SMARCA2: variants seen among roughly 807,000 people sequenced by gnomAD.
SMARCA2 encodes SWI/SNF-related matrix-associated actin-dependent regulator of chromatin subfamily A member 2.
Under a neutral mutation model 199.8 loss-of-function variants are expected in SMARCA2, and 61 were observed. The observed-to-expected ratio is 0.31, with a 90% CI of 0.25 to 0.38. The LOEUF is 0.38. Among genes scored for constraint, SMARCA2 ranks in the 10% least tolerant of loss-of-function variants. The pLI, the probability that SMARCA2 is intolerant of heterozygous loss-of-function variation, is 1.00. For synonymous variants in SMARCA2, 935 were observed against 732.0 expected, an observed-to-expected ratio of 1.28 and a Z score of -4.48; for missense variants, 1,344 against 2,012.2, an observed-to-expected ratio of 0.67 and a Z score of 6.35.
At chr9:2,102,352 G>A (rs183990071) in intron 22 of SMARCA2, among the ~76,000 whole-genome samples, 1 of 152,124 alleles carries the variant, frequency 6.6e-6, no homozygotes, top group Non-Finnish European at 1.5e-5. Flanking sequence ...GCTCCCATCA[G>A]CTTGGCCAGG....
At chr9:2,128,504 T>G (rs1823796271) in intron 27 of SMARCA2, among the ~76,000 whole-genome samples, 1 of 152,210 alleles carries the variant, frequency 6.6e-6, no homozygotes, top group Non-Finnish European at 1.5e-5. Flanking sequence ...AGATGCAGGG[T>G]GCAGTGAAAC....
intron 13 of SMARCA2, among the ~76,000 whole-genome samples, chr9:2,076,916 TAAAAG>T (rs1821351209): frequency 6.6e-6 from 1 of 152,120 alleles, no homozygotes; most frequent in Non-Finnish European, 1.5e-5. Context: ...GCTGTACTAT[TAAAAG>T]AAAACTGTTG....
At chr9:2,055,129 A>G (rs1202338040) in intron 6 of SMARCA2, among the ~76,000 whole-genome samples, 1 of 152,372 alleles carries the variant, frequency 6.6e-6, no homozygotes, top group East Asian at 1.9e-4. Context: ...CTGTGAAAAT[A>G]ATTTTAACAA....
chr9:2,142,811 C>A (rs890844980), intron 27 of SMARCA2, among the ~76,000 whole-genome samples: 1 of 152,108 alleles, frequency 6.6e-6, no homozygotes, highest in Non-Finnish European at 1.5e-5. Context: ...AGTAATCATC[C>A]AAGCCAGTTG....
rs1048715705 is a variant in SMARCA2 at position 2,056,500 on chromosome 9, A to G, written c.1174-172A>G. ...CTTGTACCGTTCTTGAAAATATTGC[A>G]TACATTTGGCATGATTTTAGTTCCT... On this transcript the variant is annotated intron_variant, in intron 6 of 33. Coordinates refer to ENST00000349721, the MANE Select transcript of SMARCA2 (RefSeq NM_003070.5). This position sits in a 1 kb window ranked among gnomAD's most constrained non-coding sequence, Gnocchi z 4.0. 2.0e-5 allele frequency among the ~76,000 whole-genome samples: 3 copies of G among 152,210 alleles called. No individual in the cohort carries two copies. The highest frequency in any genetic ancestry group is 2.9e-5 in the Non-Finnish European group (2 of 68,038).
At chr9:2,072,821 A>G (rs1821149652) in intron 10 of SMARCA2, among the ~76,000 whole-genome samples, 2 of 152,240 alleles carry the variant, frequency 1.3e-5, no homozygotes, top group Admixed American at 1.3e-4. Flanking sequence ...TGGTCTAGTG[A>G]GGACAGGCTG....
chr9:2,171,353 G>T (rs1826237944), intron 29 of SMARCA2, among the ~76,000 whole-genome samples: 1 of 152,130 alleles, frequency 6.6e-6, no homozygotes, highest in Admixed American at 6.5e-5. Context: ...TCCAATCTAG[G>T]ACTGGAGAGA....
At chr9:2,182,061 CA>C in intron 30 of SMARCA2, 79 bp from the exon 31 acceptor site, 1 of 922,886 alleles carries the variant, frequency 1.1e-6, no homozygotes, top group Non-Finnish European at 1.8e-6. Context: ...AAGGGAAAAT[CA>C]GGCTTTGTTA....
chr9:2,056,762 A>G lies in SMARCA2; in HGVS notation c.1264A>G (p.Thr422Ala), dbSNP rs765886779. The change falls in exon 7 of 34, where the codon ACT becomes GCT. Residue 422 changes from threonine (T) to alanine (A), a missense_variant. Transcript: ENST00000349721. This position sits in a 1 kb window ranked among gnomAD's most constrained non-coding sequence, Gnocchi z 4.0. Reference sequence around the variant, plus strand: ...AGCATACAAACGGAGCAAGCGCCAGACTCTGAGAGAAGCTCGCATGACCGA... The same window carrying G: ...AGCATACAAACGGAGCAAGCGCCAGGCTCTGAGAGAAGCTCGCATGACCGA... ...SKAYKRSKRQ[T>A]LREARMTEKL... 1.2e-6 allele frequency: 2 copies of G among 1,614,074 alleles called. No individual in the cohort carries two copies. Among genetic ancestry groups the G allele is most frequent in the African/African-American group, 1.3e-5 (1 of 74,934 alleles).
At chr9:2,126,766 C>G (rs1322605761) in intron 27 of SMARCA2, among the ~76,000 whole-genome samples, 2 of 152,254 alleles carry the variant, frequency 1.3e-5, no homozygotes, top group East Asian at 1.9e-4. Context: ...CTTCCCATCC[C>G]TTGCTTAAAT....
At chr9:2,030,705 T>C (rs756698417) in intron 2 of SMARCA2, among the ~76,000 whole-genome samples, 3 of 152,062 alleles carry the variant, frequency 2.0e-5, no homozygotes, top group Non-Finnish European at 2.9e-5. Flanking sequence ...TAATCAAATA[T>C]CTAGGCACCT....
intron 29 of SMARCA2, among the ~76,000 whole-genome samples, chr9:2,172,291 T>G (rs1036102836): frequency 3.3e-5 from 5 of 151,894 alleles, no homozygotes; most frequent in African/African-American, 7.3e-5. Flanking sequence ...GAAAGAGCTA[T>G]GTCAACAAAT....
chr9:2,182,778 A>G (rs1427316927), intron 31 of SMARCA2, among the ~76,000 whole-genome samples: 2 of 135,700 alleles, frequency 1.5e-5, no homozygotes, highest in Non-Finnish European at 3.1e-5. Flanking sequence ...TACAGGCATG[A>G]GCCACCACAC....
intron 9 of SMARCA2, among the ~76,000 whole-genome samples, chr9:2,065,403 T>C (rs556923147): frequency 1.1e-4 from 17 of 152,344 alleles, no homozygotes; most frequent in East Asian, 5.8e-4. Flanking sequence ...ATAGTCTTCA[T>C]TGGAGTGTTC....
intron 27 of SMARCA2, among the ~76,000 whole-genome samples, chr9:2,144,687 T>A (rs16937675): frequency 0.3 from 45,116 of 151,962 alleles, 9,140 homozygotes; most frequent in African/African-American, 0.58. Context: ...GTCTCCAGGA[T>A]CAGTAAAATT....
At chr9:2,038,665 C>T (rs552410675) in intron 3 of SMARCA2, among the ~76,000 whole-genome samples, 1 of 151,934 alleles carries the variant, frequency 6.6e-6, no homozygotes, top group Non-Finnish European at 1.5e-5. Flanking sequence ...CTTGAAAATA[C>T]CCCCCCTTTA....
At chr9:2,157,240 G>A (rs1357225481) in intron 27 of SMARCA2, among the ~76,000 whole-genome samples, 1 of 152,104 alleles carries the variant, frequency 6.6e-6, no homozygotes, top group Non-Finnish European at 1.5e-5. Flanking sequence ...CTTGTTTGGG[G>A]GATCATTACT....
chr9:2,096,207 T>C (rs1355768573), intron 19 of SMARCA2, among the ~76,000 whole-genome samples: 2 of 152,230 alleles, frequency 1.3e-5, no homozygotes, highest in Non-Finnish European at 2.9e-5. Flanking sequence ...AGATACCACA[T>C]GTGACCATTT....
At chr9:2,139,613 T>A (rs1401650583) in intron 27 of SMARCA2, among the ~76,000 whole-genome samples, 2 of 151,752 alleles carry the variant, frequency 1.3e-5, no homozygotes, top group Admixed American at 1.3e-4. Flanking sequence ...ACTGTTTTGT[T>A]CTATTTTTCT....
Sources: allele counts gnomAD v4.1 joint callset (sites outside exome capture counted in the v4.1 genomes callset), GRCh38; gene constraint gnomAD v4.1.1; non-coding constraint Gnocchi (gnomAD v3.1); transcripts MANE v1.5; gene names NCBI Gene and HGNC (gene_info 2026-07-23, HGNC 2026-07-21).